The following SHANK2 variants were observed in gnomAD, a reference collection of about 807,000 sequenced individuals.
SHANK2 encodes the protein SH3 and multiple ankyrin repeat domains protein 2.
SHANK2 carries 43 observed loss-of-function variants against 133.7 expected under a neutral mutation model. The observed-to-expected ratio is 0.32, with a 90% CI of 0.25 to 0.41. The LOEUF (loss-of-function observed/expected upper bound fraction) is 0.41, where lower values mean the gene tolerates loss of function less well. Among genes scored for constraint, SHANK2 ranks in the 10% least tolerant of loss-of-function variants. The pLI is 1.00. For synonymous variants in SHANK2, 1,017 were observed against 952.8 expected, an observed-to-expected ratio of 1.07 and a Z score of -1.24; for missense variants, 1,994 against 2,235.8, an observed-to-expected ratio of 0.89 and a Z score of 2.18.
chr11:71,241,424 C>G (rs1245822335), intron 1 of SHANK2, among the ~76,000 whole-genome samples: 1 of 152,136 alleles, frequency 6.6e-6, no homozygotes, highest in African/African-American at 2.4e-5. Flanking sequence ...ACAGGCGACC[C>G]AAGGCCCCAT....
intron 10 of SHANK2, among the ~76,000 whole-genome samples, chr11:70,899,508 G>T (rs1035825777): frequency 6.6e-6 from 1 of 152,194 alleles, no homozygotes; most frequent in Admixed American, 6.5e-5. Context: ...CCTCCTGAGT[G>T]GCGGCTTCCC....
chr11:70,930,987 C>T (rs1009478962), intron 10 of SHANK2, among the ~76,000 whole-genome samples: 3 of 152,010 alleles, frequency 2.0e-5, no homozygotes, highest in South Asian at 2.1e-4. Context: ...TTTCTGGGTA[C>T]GGCTACAGAA....
rs533545436 is a variant in SHANK2 at position 70,739,421 on chromosome 11, C to A, written c.1778-40658G>T. The stretch of plus-strand genomic sequence containing the variant: ...CGGTGAGGCCAGGCACAGACTCCAG[C>A]CTTGACGCCCAGGCTGCCCCGTCCT... On this transcript the variant is annotated intron_variant, in intron 14 of 25. Transcript: ENST00000601538. The surrounding 1 kb of genome is among the most constrained non-coding windows in gnomAD (Gnocchi z 4.3). Among the ~76,000 whole-genome samples the A allele has an allele frequency of 5.3e-5, 8 of 152,198 alleles. No homozygotes were observed. Among genetic ancestry groups the A allele is most frequent in the Non-Finnish European group, 1.2e-4 (8 of 68,042 alleles).
At chr11:70,911,517 G>T (rs1950191681) in intron 10 of SHANK2, among the ~76,000 whole-genome samples, 1 of 152,128 alleles carries the variant, frequency 6.6e-6, no homozygotes, top group Admixed American at 6.5e-5. Flanking sequence ...GTGTGAAGTA[G>T]GTGGTTTTAA....
chr11:70,889,559 G>A (rs1411783707), intron 11 of SHANK2, among the ~76,000 whole-genome samples: 1 of 152,234 alleles, frequency 6.6e-6, no homozygotes, highest in Non-Finnish European at 1.5e-5. Context: ...AGCTGGTGCT[G>A]GGACGTCCGG....
At position 71,240,579 on chromosome 11, in the gene SHANK2, T is replaced by C. The variant is rs562329700; in HGVS notation, c.-113+11846A>G. Among the ~76,000 whole-genome samples, 672 of 152,192 alleles carry C rather than the reference T, an allele frequency of 4.4e-3. 6 individuals carry two copies. The highest frequency in any genetic ancestry group is 7.7e-3 in the Non-Finnish European group (524 of 67,990). On this transcript the variant is annotated intron_variant, in intron 1 of 25. Transcript: ENST00000601538. ...AAGGTTACAAATCCAGGCTGCCCCA[T>C]AGCAATATAATTGGAGTCACAAATG...
At chr11:71,250,705 A>G (rs984922801) in intron 1 of SHANK2, among the ~76,000 whole-genome samples, 1 of 152,098 alleles carries the variant, frequency 6.6e-6, no homozygotes, top group South Asian at 2.1e-4. Context: ...CTCGGTTCCT[A>G]GTGCACAGAA....
At chr11:70,760,439 C>T (rs1946970414) in intron 14 of SHANK2, among the ~76,000 whole-genome samples, 1 of 152,256 alleles carries the variant, frequency 6.6e-6, no homozygotes, top group East Asian at 1.9e-4. Context: ...TTCCTCCTCT[C>T]TTCTAAGGTC....
chr11:70,627,554 C>G (rs569451057), intron 17 of SHANK2, among the ~76,000 whole-genome samples: 1 of 152,328 alleles, frequency 6.6e-6, no homozygotes, highest in South Asian at 2.1e-4. Flanking sequence ...CAGAATAGCC[C>G]TTATCCTAAA....
intron 14 of SHANK2, among the ~76,000 whole-genome samples, chr11:70,726,090 T>C (rs902053102): frequency 1.4e-4 from 22 of 152,346 alleles, no homozygotes; most frequent in African/African-American, 4.6e-4. Context: ...TTCTCAGAGC[T>C]GTACTTGGTA....
At chr11:70,850,182 C>T (rs974061760) in intron 11 of SHANK2, among the ~76,000 whole-genome samples, 6 of 151,316 alleles carry the variant, frequency 4.0e-5, no homozygotes, top group African/African-American at 9.8e-5. Context: ...CAACCTCCTA[C>T]GGTTCTCCTT....
chr11:71,101,132 C>G (rs532183965), intron 6 of SHANK2, among the ~76,000 whole-genome samples: 3 of 152,142 alleles, frequency 2.0e-5, no homozygotes, highest in African/African-American at 7.2e-5. Context: ...CAATAACAGG[C>G]GAGCTGGAAG....
intron 11 of SHANK2, among the ~76,000 whole-genome samples, chr11:70,827,639 T>G (rs1384196174): frequency 1.0e-4 from 9 of 89,024 alleles, no homozygotes; most frequent in African/African-American, 2.6e-4. Flanking sequence ...TGTGTGTGTG[T>G]TTTTTTTTTT....
At chr11:70,502,721 C>T (rs549117985) in intron 18 of SHANK2, 75 bp downstream of exon 18, 4 of 1,324,702 alleles carry the variant, frequency 3.0e-6, no homozygotes, top group East Asian at 2.7e-5. Flanking sequence ...CACTGCCCCC[C>T]AGCTGTCCTG....
intron 9 of SHANK2, among the ~76,000 whole-genome samples, chr11:71,061,515 C>T (rs1950985634): frequency 6.6e-6 from 1 of 152,178 alleles, no homozygotes; most frequent in African/African-American, 2.4e-5. Flanking sequence ...TCAGTTTCCT[C>T]CTTTTTAAAG....
At chr11:70,800,734 G>T (rs1948025569) in intron 13 of SHANK2, among the ~76,000 whole-genome samples, 1 of 152,224 alleles carries the variant, frequency 6.6e-6, no homozygotes, top group African/African-American at 2.4e-5. Context: ...TCTCAGCCCA[G>T]CTGGCCGGGA....
chr11:70,711,297 G>T (rs1555026046), intron 14 of SHANK2, among the ~76,000 whole-genome samples: 1 of 152,162 alleles, frequency 6.6e-6, no homozygotes, highest in East Asian at 1.9e-4. Flanking sequence ...GGGCTGTCCA[G>T]CTCCGAATCC....
At chr11:70,550,093 T>C (rs7111232) in intron 17 of SHANK2, among the ~76,000 whole-genome samples, 29,119 of 151,928 alleles carry the variant, frequency 0.19, 3,305 homozygotes, top group East Asian at 0.36. Context: ...GCCTACCAGC[T>C]CCCGCCAGGC....
chr11:70,716,094 G>A (rs185592443), intron 14 of SHANK2, among the ~76,000 whole-genome samples: 1 of 150,522 alleles, frequency 6.6e-6, no homozygotes, highest in Non-Finnish European at 1.5e-5. Flanking sequence ...TCCAACACCC[G>A]CTGCCTAACC....
Sources: allele counts gnomAD v4.1 joint callset (sites outside exome capture counted in the v4.1 genomes callset), GRCh38; gene constraint gnomAD v4.1.1; non-coding constraint Gnocchi (gnomAD v3.1); transcripts MANE v1.5; gene names NCBI Gene and HGNC (gene_info 2026-07-23, HGNC 2026-07-21).